The following GADL1 variants were observed in gnomAD, a reference collection of about 807,000 sequenced individuals.
GADL1 encodes the protein acidic amino acid decarboxylase GADL1.
In GADL1, 71 loss-of-function variants were observed where a neutral mutation model predicts 69.5. The ratio of observed to expected loss-of-function variants is 1.02; its 90% confidence interval spans 0.84 to 1.25. The LOEUF (loss-of-function observed/expected upper bound fraction) is 1.25. Ranked by LOEUF, GADL1 falls within the 50% of genes most tolerant of loss-of-function variation. The pLI, the probability that GADL1 is intolerant of heterozygous loss-of-function variation, is 0.00. For synonymous variants in GADL1, 254 were observed against 214.4 expected (o/e 1.18, Z -1.62); for missense variants, 737 against 631.8 (o/e 1.17, Z -1.79).
Position 30,837,211 on chromosome 3 carries a change from A to C in GADL1, c.903+1786T>G, listed in dbSNP as rs112769464. Reference sequence around the variant, plus strand: ...TAAAATACTCTAGAAGATTTCAAACAGGTCAAAGCAATTATTGCAATTTGT... The same window carrying C: ...TAAAATACTCTAGAAGATTTCAAACCGGTCAAAGCAATTATTGCAATTTGT... On this transcript the variant is annotated intron_variant, in intron 9 of 14. Coordinates refer to ENST00000282538, the MANE Select transcript of GADL1 (RefSeq NM_207359.3). Among the ~76,000 whole-genome samples the C allele has an allele frequency of 3.1e-3, 470 of 152,264 alleles. 4 individuals are homozygous for C. The highest frequency in any genetic ancestry group is 0.011 in the African/African-American group (441 of 41,578).
rs1445110450 is a variant in GADL1, at chr3:30,857,029, T to C, written c.323A>G (p.Tyr108Cys). Residue 108 changes from tyrosine to cysteine, a missense_variant, in exon 3 of 15, where the codon TAC becomes TGC. By Grantham distance (194) the Tyr-to-Cys change is radical. Transcript: ENST00000282538. ...AAAGTTCTTACTAGTTTTGACACTG[T>C]AGTGTATGACATCCCGACAGAGTTC... ...LLELCRDVIH[Y>C]SVKTNHPRFF... 1.9e-6 allele frequency: 3 copies of C among 1,549,472 alleles called. No homozygotes were observed. Among genetic ancestry groups the C allele is most frequent in the Non-Finnish European group, 2.6e-6 (3 of 1,145,384 alleles).
chr3:30,854,742 A>AGT lies in GADL1; in HGVS notation c.383_384dup (p.Ser129ThrfsTer8), dbSNP rs762473022. The AGT allele has an allele frequency of 1.3e-6, 2 of 1,550,062 alleles. No individual in the cohort carries two copies. Among genetic ancestry groups the AGT allele is most frequent in the Non-Finnish European group, 1.7e-6 (2 of 1,145,788 alleles). ...TCGGTCATAAATCGGGCCACCAAGG[A>AGT]GTAATAATCAAGTCCAGCATACAAT... On this transcript the variant is annotated frameshift_variant, in exon 4 of 15. Coordinates refer to ENST00000282538, the MANE Select transcript of GADL1 (RefSeq NM_207359.3). LOFTEE classifies it high-confidence loss of function.
At chr3:30,764,132 A>C (rs988375330) in intron 14 of GADL1, among the ~76,000 whole-genome samples, 1 of 149,626 alleles carries the variant, frequency 6.7e-6, no homozygotes, top group Non-Finnish European at 1.5e-5. Flanking sequence ...ATGTTTATTA[A>C]ATATATTAAC....
chr3:30,801,243 GACTTTCA>G (rs1294157634), intron 11 of GADL1, among the ~76,000 whole-genome samples, 155 bp from the exon 12 acceptor site: 3 of 152,220 alleles, frequency 2.0e-5, no homozygotes, highest in South Asian at 2.1e-4. Context: ...AGTGTACATT[GACTTTCA>G]GATACACATT....
chr3:30,883,614 T>C (rs1310525604), intron 1 of GADL1, among the ~76,000 whole-genome samples: 1 of 152,044 alleles, frequency 6.6e-6, no homozygotes, highest in Non-Finnish European at 1.5e-5. Flanking sequence ...AAAAATCATT[T>C]TGGCTTTTCA....
Position 30,883,119 on chromosome 3 carries a change from T to C in GADL1, c.37+11459A>G, listed in dbSNP as rs147534014. ...CATAGATTGCCTTTTCACTGTTGAT[T>C]GTGTCTTTTGGTGCACAAAAGGTTT... On this transcript the variant is annotated intron_variant, in intron 1 of 14. Transcript: ENST00000282538. 4.4e-3 allele frequency among the ~76,000 whole-genome samples: 667 copies of C among 152,136 alleles called. 15 individuals are homozygous for C. The highest frequency in any genetic ancestry group is 0.04 in the Admixed American group (603 of 15,252).
At chr3:30,791,628 T>G (rs1696918393) in intron 12 of GADL1, among the ~76,000 whole-genome samples, 2 of 152,190 alleles carry the variant, frequency 1.3e-5, no homozygotes, top group Non-Finnish European at 2.9e-5. Flanking sequence ...AAACTCTTTT[T>G]GCTAACCATG....
At chr3:30,821,754 A>G (rs554292782) in intron 11 of GADL1, among the ~76,000 whole-genome samples, 12 of 151,800 alleles carry the variant, frequency 7.9e-5, no homozygotes, top group African/African-American at 2.9e-4. Context: ...AAAAGAGTGA[A>G]TATAGACTTA....
intron 13 of GADL1, among the ~76,000 whole-genome samples, chr3:30,782,814 G>A (rs574138521): frequency 6.6e-6 from 1 of 152,200 alleles, no homozygotes; most frequent in East Asian, 1.9e-4. Flanking sequence ...CTAAGACAGG[G>A]GAGACTATCA....
chr3:30,846,243 G>A (rs571780016), intron 6 of GADL1, among the ~76,000 whole-genome samples: 4 of 152,114 alleles, frequency 2.6e-5, no homozygotes, highest in East Asian at 3.9e-4. Context: ...AAACAGTGGC[G>A]TTTCTATCAT....
chr3:30,788,566 G>A (rs1185981805), intron 12 of GADL1, among the ~76,000 whole-genome samples: 1 of 152,164 alleles, frequency 6.6e-6, no homozygotes, highest in African/African-American at 2.4e-5. Flanking sequence ...AGGCAACAAT[G>A]AAGTTTGCCA....
intron 14 of GADL1, among the ~76,000 whole-genome samples, chr3:30,734,963 ATAAT>A (rs1430928525): frequency 2.6e-5 from 4 of 152,172 alleles, no homozygotes; most frequent in Non-Finnish European, 5.9e-5. Flanking sequence ...AGAGGGGAAA[ATAAT>A]AGCCTTCTTA....
chr3:30,859,320 G>A (rs1698279247), intron 2 of GADL1, among the ~76,000 whole-genome samples: 1 of 151,828 alleles, frequency 6.6e-6, no homozygotes, highest in Non-Finnish European at 1.5e-5. Context: ...GAGGTAAATT[G>A]GAAATGCCTG....
At chr3:30,815,331 C>G (rs1697448220) in intron 11 of GADL1, among the ~76,000 whole-genome samples, 1 of 151,826 alleles carries the variant, frequency 6.6e-6, no homozygotes, top group Admixed American at 6.6e-5. Flanking sequence ...ACAGTTCTCT[C>G]TGGTCGGTTA....
intron 11 of GADL1, 35 bp downstream of exon 11, chr3:30,833,818 C>T (rs901692538): frequency 2.0e-6 from 3 of 1,512,448 alleles, no homozygotes; most frequent in Non-Finnish European, 1.8e-6. Context: ...GCTTAACCCC[C>T]TTGAAGCCCA....
At chr3:30,759,906 C>T (rs1696087787) in intron 14 of GADL1, among the ~76,000 whole-genome samples, 1 of 152,136 alleles carries the variant, frequency 6.6e-6, no homozygotes, top group African/African-American at 2.4e-5. Context: ...TGGACTTGTG[C>T]TCTATGCCTC....
intron 14 of GADL1, among the ~76,000 whole-genome samples, chr3:30,732,890 C>T (rs1039225096): frequency 3.3e-5 from 5 of 152,198 alleles, no homozygotes; most frequent in East Asian, 1.9e-4. Flanking sequence ...AAATCTGTCT[C>T]TACTAAAAAT....
intron 14 of GADL1, among the ~76,000 whole-genome samples, chr3:30,754,092 G>GA (rs1323042817): frequency 6.6e-6 from 1 of 152,172 alleles, no homozygotes; most frequent in Non-Finnish European, 1.5e-5. Context: ...AGGCTTTCCT[G>GA]AAAAAGCGTC....
intron 14 of GADL1, among the ~76,000 whole-genome samples, chr3:30,773,810 A>C (rs1696474491): frequency 6.6e-6 from 1 of 152,196 alleles, no homozygotes; most frequent in Non-Finnish European, 1.5e-5. Flanking sequence ...GGAATTGCTG[A>C]AAGATAAGAT....
Sources: allele counts gnomAD v4.1 joint callset (sites outside exome capture counted in the v4.1 genomes callset), GRCh38; gene constraint gnomAD v4.1.1; transcripts MANE v1.5; gene names NCBI Gene and HGNC (gene_info 2026-07-23, HGNC 2026-07-21).